The following FBXL2 variants were observed in gnomAD, a reference collection of about 807,000 sequenced individuals.
FBXL2 encodes the protein F-box and leucine rich repeat protein 2.
Under a neutral mutation model 69.2 loss-of-function variants are expected in FBXL2, and 38 were observed. That is an observed-to-expected ratio of 0.55 (90% confidence interval 0.42 to 0.72). FBXL2 has a LOEUF of 0.72. Among genes scored for constraint, FBXL2 ranks in the 30% least tolerant of loss-of-function variants. FBXL2 has a pLI of 0.00. For missense variants in FBXL2, 354 were observed against 520.3 expected (o/e 0.68, Z 3.11); for synonymous variants, 192 against 201.3 (o/e 0.95, Z 0.39).
At chr3:33,390,002 G>A (rs537310807), downstream of FBXL2, 32 of 278,044 alleles carry the variant, frequency 1.2e-4, no homozygotes, top group East Asian at 1.4e-3. Context: ...TTTCCAAACC[G>A]CATACAGTGT....
At chr3:33,336,632 C>T (rs996575951) in intron 2 of FBXL2, among the ~76,000 whole-genome samples, 1 of 152,178 alleles carries the variant, frequency 6.6e-6, no homozygotes, top group East Asian at 1.9e-4. Flanking sequence ...AACAACTGAG[C>T]GCAGTGACTC....
chr3:33,393,654 T>TTGGCTGC (rs2043856193), intron 12 of FBXL2, among the ~76,000 whole-genome samples: 1 of 152,224 alleles, frequency 6.6e-6, no homozygotes, highest in African/African-American at 2.4e-5. Flanking sequence ...AACGTAAGAA[T>TTGGCTGC]ACATTATTTA....
chr3:33,294,527 A>G (rs575957683), intron 1 of FBXL2, among the ~76,000 whole-genome samples: 1 of 152,300 alleles, frequency 6.6e-6, no homozygotes, highest in South Asian at 2.1e-4. Context: ...GAACTTTATA[A>G]ATGTAAATGC....
At chr3:33,333,091 G>A (rs918323375) in intron 2 of FBXL2, among the ~76,000 whole-genome samples, 4 of 152,178 alleles carry the variant, frequency 2.6e-5, no homozygotes, top group Non-Finnish European at 5.9e-5. Flanking sequence ...AGGGGCTGAG[G>A]GGAGTGGGGG....
intron 2 of FBXL2, among the ~76,000 whole-genome samples, chr3:33,307,897 T>C (rs2036857931): frequency 6.6e-6 from 1 of 152,200 alleles, no homozygotes; most frequent in African/African-American, 2.4e-5. Context: ...TAAAAAGTTA[T>C]AAATTTATGA....
chr3:33,415,753 C>CA, the FBXL2 span, among the ~76,000 whole-genome samples: 413 of 140,910 alleles, frequency 2.9e-3, no homozygotes, highest in African/African-American at 5.5e-3. Context: ...GATACATTAA[C>CA]AAAAAAAAAA....
At position 33,287,034 on chromosome 3, in the gene FBXL2, G is replaced by A. The variant is rs543224309; in HGVS notation, c.3+9519G>A. On this transcript the variant is annotated intron_variant, in intron 1 of 14. Transcript: ENST00000484457. ...GCACCATGGGCTGCACCCACGGTCC[G>A]ACAAGCCCCAGTGAGATGAACCTGG... Among the ~76,000 whole-genome samples, 70 of 152,208 alleles carry A rather than the reference G, an allele frequency of 4.6e-4. 1 individual carries two copies. The highest frequency in any genetic ancestry group is 3.3e-3 in the Admixed American group (51 of 15,284).
downstream of FBXL2, chr3:33,389,289 G>A (rs996195625): frequency 1.3e-5 from 2 of 152,496 alleles, no homozygotes; most frequent in Admixed American, 1.3e-4. Context: ...GGATTTGTAT[G>A]GTACATTTTA....
intron 13 of FBXL2, chr3:33,383,738 T>G: frequency 2.1e-6 from 1 of 469,934 alleles, no homozygotes; most frequent in Non-Finnish European, 3.9e-6. Context: ...GGCTTTGTGT[T>G]TGGTCCTCAC....
intron 2 of FBXL2, among the ~76,000 whole-genome samples, chr3:33,299,675 G>A (rs1314157941): frequency 1.3e-5 from 2 of 152,106 alleles, no homozygotes; most frequent in African/African-American, 4.8e-5. Context: ...GTCATCAGGT[G>A]TTGTTTGACA....
At chr3:33,351,319 G>A (rs2040817762) in intron 2 of FBXL2, among the ~76,000 whole-genome samples, 2 of 152,186 alleles carry the variant, frequency 1.3e-5, no homozygotes, top group South Asian at 4.2e-4. Context: ...TTATAGTAAG[G>A]TTACAGGATC....
chr3:33,341,382 G>A (rs562052107), intron 2 of FBXL2, among the ~76,000 whole-genome samples: 2 of 152,286 alleles, frequency 1.3e-5, no homozygotes, highest in South Asian at 4.1e-4. Flanking sequence ...GGTGCCTGCA[G>A]ATTGAAAGAT....
rs796184752 is a variant in FBXL2, at chr3:33,363,681, T to C, written c.196-944T>C. ...TGACATAAATCACAGGGCATGGTAG[T>C]ACTACAGGATGCCCTAAGGGATCTT... On this transcript the variant is annotated intron_variant, in intron 4 of 14. Transcript: ENST00000484457. Among the ~76,000 whole-genome samples, 36 of 152,332 alleles carry C rather than the reference T, an allele frequency of 2.4e-4. 1 individual carries two copies. Among genetic ancestry groups the C allele is most frequent in the African/African-American group, 7.9e-4 (33 of 41,576 alleles).
intron 1 of FBXL2, among the ~76,000 whole-genome samples, chr3:33,293,699 A>G (rs2035474119): frequency 1.3e-5 from 2 of 152,148 alleles, no homozygotes; most frequent in South Asian, 4.1e-4. Context: ...AGTCTTTGTA[A>G]TAACAGAAAA....
intron 5 of FBXL2, 91 bp from the exon 6 acceptor site, chr3:33,373,001 G>T (rs2042391731): frequency 1.9e-6 from 2 of 1,054,366 alleles, no homozygotes; most frequent in Non-Finnish European, 3.0e-6. Flanking sequence ...TAAGTTTGAG[G>T]GAGCGCTGTT....
chr3:33,422,507 A>C, the FBXL2 span, among the ~76,000 whole-genome samples: 1 of 152,190 alleles, frequency 6.6e-6, no homozygotes, highest in Non-Finnish European at 1.5e-5. Flanking sequence ...GTTTGAGCCC[A>C]GGAGTCGGAG....
the FBXL2 span, chr3:33,409,385 A>C: frequency 6.2e-7 from 1 of 1,613,838 alleles, no homozygotes; most frequent in Non-Finnish European, 8.5e-7. Context: ...ATCAGGCTGC[A>C]GACACACAGC....
the FBXL2 span, among the ~76,000 whole-genome samples, chr3:33,419,980 A>G: frequency 3.3e-5 from 5 of 152,158 alleles, no homozygotes; most frequent in African/African-American, 1.2e-4. Context: ...TGGCTCAGAA[A>G]TGCAAAAATT....
intron 1 of FBXL2, among the ~76,000 whole-genome samples, chr3:33,281,298 GGTTTTCTGTCCTTGTGATA>G (rs1018375363): frequency 6.6e-5 from 10 of 152,112 alleles, no homozygotes; most frequent in Middle Eastern, 3.4e-3. Context: ...TGCGGTGTTT[GGTTTTCTGTCCTTGTGATA>G]GTTTGCCCAG....
Sources: gnomAD v4.1 joint callset for allele counts (sites outside exome capture counted in the v4.1 genomes callset) on GRCh38, gnomAD v4.1.1 for gene constraint, MANE v1.5 for transcripts, NCBI Gene and HGNC (gene_info 2026-07-23, HGNC 2026-07-21) for gene names.